Variants in NREP observed in about 807,000 individuals in gnomAD.
The protein encoded by NREP is neuronal regeneration related protein.
Under a neutral mutation model 8.6 loss-of-function variants are expected in NREP, and 5 were observed. The observed-to-expected ratio is 0.58, with a 90% CI of 0.30 to 1.22. The LOEUF (loss-of-function observed/expected upper bound fraction) is 1.22. Among genes scored for constraint, NREP ranks in the 50% most tolerant of loss-of-function variants. The probability of loss-of-function intolerance (pLI) is 0.07; values close to 1 mark genes in which losing one functional copy is unlikely to be tolerated. For missense variants in NREP, 86 were observed against 82.5 expected (o/e 1.04, Z -0.17); for synonymous variants, 27 against 28.0 (o/e 0.96, Z 0.11).
intron 2 of NREP, among the ~76,000 whole-genome samples, chr5:111,862,679 C>T (rs1379433849): frequency 6.6e-6 from 1 of 151,896 alleles, no homozygotes; most frequent in Non-Finnish European, 1.5e-5. Context: ...TGTACAAAGT[C>T]CTGTGCTATG....
At chr5:111,784,471 T>C (rs1751563939) in intron 2 of NREP, among the ~76,000 whole-genome samples, 1 of 152,168 alleles carries the variant, frequency 6.6e-6, no homozygotes, top group Non-Finnish European at 1.5e-5. Context: ...GGTCAGGAAG[T>C]GGGCTACATG....
intron 2 of NREP, among the ~76,000 whole-genome samples, chr5:111,924,257 A>G (rs1471997314): frequency 2.0e-5 from 3 of 152,174 alleles, no homozygotes; most frequent in African/African-American, 4.8e-5. Context: ...GTTGGAGCAC[A>G]GAGAAGAATA....
chr5:111,783,817 T>G (rs1751549501), intron 2 of NREP, among the ~76,000 whole-genome samples: 1 of 152,202 alleles, frequency 6.6e-6, no homozygotes, highest in African/African-American at 2.4e-5. Flanking sequence ...TACTCACCTT[T>G]TATCCCTAAA....
At chr5:111,765,399 T>C (rs778119829) in intron 2 of NREP, among the ~76,000 whole-genome samples, 1 of 152,180 alleles carries the variant, frequency 6.6e-6, no homozygotes, top group African/African-American at 2.4e-5. Context: ...GTCTAAATCA[T>C]GACTAGACTG....
intron 2 of NREP, among the ~76,000 whole-genome samples, chr5:111,828,774 ATAT>A (rs1752691496): frequency 1.3e-5 from 2 of 152,316 alleles, no homozygotes; most frequent in South Asian, 4.1e-4. Flanking sequence ...TATCACTAAG[ATAT>A]TATTACATTC....
At chr5:111,818,166 T>G (rs930340487) in intron 2 of NREP, among the ~76,000 whole-genome samples, 1 of 152,192 alleles carries the variant, frequency 6.6e-6, no homozygotes, top group Admixed American at 6.5e-5. Context: ...AATTAGATCA[T>G]ACATTTTTAA....
intron 2 of NREP, among the ~76,000 whole-genome samples, chr5:111,843,243 G>C (rs770853516): frequency 6.6e-6 from 1 of 151,542 alleles, no homozygotes; most frequent in East Asian, 2.0e-4. Flanking sequence ...AAAATTTTTT[G>C]TTCTTTTTGT....
chr5:111,945,728 T>G (rs199572789), intron 2 of NREP, among the ~76,000 whole-genome samples: 1 of 151,842 alleles, frequency 6.6e-6, no homozygotes, highest in Non-Finnish European at 1.5e-5. Context: ...TCTTACATGA[T>G]ATCATTAGGA....
At chr5:111,872,401 A>G (rs1753811186) in intron 2 of NREP, among the ~76,000 whole-genome samples, 2 of 152,190 alleles carry the variant, frequency 1.3e-5, no homozygotes, top group South Asian at 4.1e-4. Context: ...TTAAATGTAT[A>G]TATCATCCAA....
chr5:111,949,518 T>A (rs753451847), intron 2 of NREP, among the ~76,000 whole-genome samples: 1 of 152,106 alleles, frequency 6.6e-6, no homozygotes, highest in Non-Finnish European at 1.5e-5. Flanking sequence ...CTGGGATACA[T>A]GTGTAGAACA....
At chr5:111,856,406 A>G (rs1561695827) in intron 2 of NREP, among the ~76,000 whole-genome samples, 1 of 152,160 alleles carries the variant, frequency 6.6e-6, no homozygotes, top group Non-Finnish European at 1.5e-5. Context: ...GACCTAAACA[A>G]AAAACTCATA....
chr5:111,790,216 TAAAAG>T (rs998000097), intron 2 of NREP, among the ~76,000 whole-genome samples: 6 of 151,490 alleles, frequency 4.0e-5, no homozygotes, highest in Admixed American at 2.0e-4. Flanking sequence ...CTGACAAAAA[TAAAAG>T]AGAAGTATAA....
intron 2 of NREP, among the ~76,000 whole-genome samples, chr5:111,804,969 C>A (rs1158030975): frequency 6.6e-6 from 1 of 151,668 alleles, no homozygotes; most frequent in Non-Finnish European, 1.5e-5. Context: ...CCACTGCACT[C>A]TAGCCTGGGC....
At chr5:111,887,128 T>G (rs1264570416) in intron 2 of NREP, among the ~76,000 whole-genome samples, 1 of 152,128 alleles carries the variant, frequency 6.6e-6, no homozygotes. Context: ...TTCACTATAT[T>G]GCCTAGGCTG....
intron 2 of NREP, among the ~76,000 whole-genome samples, chr5:111,772,278 C>G (rs1177770061): frequency 1.3e-5 from 2 of 152,082 alleles, no homozygotes; most frequent in African/African-American, 4.8e-5. Context: ...TTTTTCCACT[C>G]CTGATAAATA....
intron 2 of NREP, among the ~76,000 whole-genome samples, chr5:111,890,023 C>T (rs111945597): frequency 6.6e-6 from 1 of 152,080 alleles, no homozygotes; most frequent in South Asian, 2.1e-4. Flanking sequence ...GAAGGAACTG[C>T]CCATTTTCAC....
chr5:111,975,663 T>C lies in NREP; in HGVS notation c.31-285A>G, dbSNP rs147488103. Among the ~76,000 whole-genome samples, 41 of 152,292 alleles carry C rather than the reference T, an allele frequency of 2.7e-4. No individual in the cohort carries two copies. In the East Asian group the frequency reaches 7.1e-3, roughly 27 times the overall value. On this transcript the variant is annotated intron_variant, in intron 1 of 3. Coordinates refer to the NREP transcript ENST00000395634. ...ATACTAAAAATGCATACATATTACA[T>C]AGAAAAACAGTATCCATAAACATAG...
intron 1 of NREP, among the ~76,000 whole-genome samples, chr5:111,756,610 T>G (rs1466376352): frequency 1.3e-5 from 2 of 152,162 alleles, no homozygotes; most frequent in Non-Finnish European, 2.9e-5. Flanking sequence ...TCATTTATTT[T>G]TAAGGCCCTC....
intron 2 of NREP, among the ~76,000 whole-genome samples, chr5:111,785,510 C>A (rs1751588997): frequency 2.0e-5 from 3 of 152,064 alleles, no homozygotes; most frequent in South Asian, 2.1e-4. Flanking sequence ...GATCTCCTGG[C>A]CTCATGATCT....
Sources: allele counts gnomAD v4.1 joint callset (sites outside exome capture counted in the v4.1 genomes callset), GRCh38; gene constraint gnomAD v4.1.1; transcripts MANE v1.5; gene names NCBI Gene and HGNC (gene_info 2026-07-23, HGNC 2026-07-21).